CSMD1: variants seen among roughly 807,000 people sequenced by gnomAD.
CSMD1 encodes CUB and sushi domain-containing protein 1.
CSMD1 carries 213 observed loss-of-function variants against 417.5 expected under a neutral mutation model. That is an observed-to-expected ratio of 0.51 (90% CI 0.46 to 0.57). CSMD1 has a LOEUF of 0.57. Ranked by LOEUF, CSMD1 falls within the 20% of genes least tolerant of loss-of-function variation. CSMD1 has a pLI of 0.00. For missense variants in CSMD1, 6,923 were observed against 4,529.7 expected, an observed-to-expected ratio of 1.53 and a Z score of -15.17; for synonymous variants, 2,862 against 1,736.8, an observed-to-expected ratio of 1.65 and a Z score of -16.11.
intron 5 of CSMD1, among the ~76,000 whole-genome samples, chr8:3,793,000 T>G (rs1331106749): frequency 1.3e-5 from 2 of 152,142 alleles, no homozygotes; most frequent in Admixed American, 6.5e-5. Context: ...ACCACAGGTG[T>G]GAATTTCCTC....
intron 7 of CSMD1, among the ~76,000 whole-genome samples, chr8:3,634,228 T>G (rs759026100): frequency 6.6e-6 from 1 of 152,160 alleles, no homozygotes; most frequent in Non-Finnish European, 1.5e-5. Context: ...TGTGTTCACG[T>G]GATTAATGGT....
At chr8:4,661,948 A>G (rs913523277) in intron 1 of CSMD1, among the ~76,000 whole-genome samples, 7 of 152,198 alleles carry the variant, frequency 4.6e-5, no homozygotes, top group African/African-American at 1.7e-4. Context: ...GACAGTTTCT[A>G]CATAGTTACA....
intron 1 of CSMD1, among the ~76,000 whole-genome samples, chr8:4,860,120 A>T (rs1026487329): frequency 2.0e-5 from 3 of 151,872 alleles, no homozygotes; most frequent in Admixed American, 1.3e-4. Flanking sequence ...AGGGACATGG[A>T]TGAAATTGGA....
chr8:3,073,372 C>A (rs950247133), intron 49 of CSMD1, among the ~76,000 whole-genome samples: 2 of 151,986 alleles, frequency 1.3e-5, no homozygotes, highest in Non-Finnish European at 2.9e-5. Context: ...AATTACCCAG[C>A]AAAGTATTTA....
Position 4,358,280 on chromosome 8 carries a change from G to A in CSMD1, c.415+61673C>T, listed in dbSNP as rs143181247. On this transcript the variant is annotated intron_variant, in intron 3 of 69. Coordinates refer to ENST00000635120, the MANE Select transcript of CSMD1 (RefSeq NM_033225.6). ...TTTGCTTTACCAGTGGGTGTGGAGC[G>A]CGGCCATGGGCCAGATCCAGCTGGT... is the stretch of plus-strand genomic sequence containing the variant. Among the ~76,000 whole-genome samples, 1,321 of 151,936 alleles carry A rather than the reference G, an allele frequency of 8.7e-3. 7 individuals are homozygous for A. Among genetic ancestry groups the A allele is most frequent in the East Asian group, 0.018 (93 of 5,162 alleles).
At chr8:3,671,499 ATATATATATATATG>A (rs1799038486) in intron 7 of CSMD1, among the ~76,000 whole-genome samples, 1 of 5,664 alleles carries the variant, frequency 1.8e-4, no homozygotes, top group African/African-American at 7.2e-4. Context: ...ATATGATCAT[ATATATATATATATG>A]ATCATATATA....
At chr8:3,558,792 A>T (rs1799337962) in intron 10 of CSMD1, among the ~76,000 whole-genome samples, 1 of 150,930 alleles carries the variant, frequency 6.6e-6, no homozygotes. Flanking sequence ...TCCTCCAATG[A>T]TGAATGGTGC....
chr8:3,030,326 T>C lies in CSMD1; in HGVS notation c.7661-813A>G, dbSNP rs62487759. Among the ~76,000 whole-genome samples the C allele has an allele frequency of 4.8e-4, 73 of 152,016 alleles. 2 individuals are homozygous for C. The highest frequency in any genetic ancestry group is 8.8e-4 in the Non-Finnish European group (60 of 67,964). Reference sequence around the variant, plus strand: ...CACAAAATTAGAAACCAGAACCATTTCTCTAATTACGAAGATTTAGTAGCT... The same window carrying C: ...CACAAAATTAGAAACCAGAACCATTCCTCTAATTACGAAGATTTAGTAGCT... On this transcript the variant is annotated intron_variant, in intron 50 of 69. Coordinates refer to ENST00000635120, the MANE Select transcript of CSMD1 (RefSeq NM_033225.6).
chr8:4,066,621 A>G (rs1799263995), intron 3 of CSMD1, among the ~76,000 whole-genome samples: 2 of 152,246 alleles, frequency 1.3e-5, no homozygotes, highest in South Asian at 4.1e-4. Flanking sequence ...GTACCACATT[A>G]CTAACCACTA....
intron 2 of CSMD1, among the ~76,000 whole-genome samples, chr8:4,503,615 G>C (rs763890575): frequency 1.3e-5 from 2 of 152,164 alleles, no homozygotes; most frequent in Non-Finnish European, 2.9e-5. Context: ...CAGCCAGCTT[G>C]AGTAATGATC....
At chr8:3,500,755 T>A (rs571671102) in intron 10 of CSMD1, among the ~76,000 whole-genome samples, 1 of 152,254 alleles carries the variant, frequency 6.6e-6, no homozygotes, top group South Asian at 2.1e-4. Flanking sequence ...AGGACATGGA[T>A]AACCATGGCA....
chr8:3,004,941 C>T (rs557297250), intron 52 of CSMD1, among the ~76,000 whole-genome samples: 1 of 152,150 alleles, frequency 6.6e-6, no homozygotes, highest in Non-Finnish European at 1.5e-5. Context: ...GAGTTCGAGA[C>T]CAGCCTGGCC....
At chr8:3,652,813 G>A (rs1267551061) in intron 7 of CSMD1, among the ~76,000 whole-genome samples, 1 of 152,096 alleles carries the variant, frequency 6.6e-6, no homozygotes, top group Non-Finnish European at 1.5e-5. Flanking sequence ...AAAGTCCTGG[G>A]GGCAAGACTT....
intron 3 of CSMD1, among the ~76,000 whole-genome samples, chr8:4,064,982 T>C (rs563111969): frequency 5.5e-4 from 84 of 152,280 alleles, no homozygotes; most frequent in Middle Eastern, 3.4e-3. Flanking sequence ...CTAACTTTTG[T>C]GTCAGTTTTC....
intron 3 of CSMD1, among the ~76,000 whole-genome samples, chr8:4,264,072 A>G (rs1804073657): frequency 6.6e-6 from 1 of 152,170 alleles, no homozygotes; most frequent in Non-Finnish European, 1.5e-5. Context: ...CCTCATCTAT[A>G]AAATGAGGAT....
At chr8:3,422,621 G>A (rs924311601) in intron 12 of CSMD1, among the ~76,000 whole-genome samples, 3 of 152,288 alleles carry the variant, frequency 2.0e-5, no homozygotes, top group Middle Eastern at 3.4e-3. Context: ...TGTCTTTTGG[G>A]AATCAAGTGG....
rs34828022 is a variant in CSMD1, at chr8:4,931,572, A to C, written c.85+62760T>G. On this transcript the variant is annotated intron_variant, in intron 1 of 69. Coordinates refer to ENST00000635120, the MANE Select transcript of CSMD1 (RefSeq NM_033225.6). ...ATCACCCAGACTATAGCTGATTTCA[A>C]GAAAAAAGTCTGGTTTATAGCTACG... is the stretch of plus-strand genomic sequence containing the variant. Among the ~76,000 whole-genome samples, 98 of 74,234 alleles carry C rather than the reference A, an allele frequency of 1.3e-3. 1 individual carries two copies. The highest frequency in any genetic ancestry group is 1.5e-3 in the Non-Finnish European group (37 of 24,214). The allele number at this position is 74,234 out of a possible 152,430, so 48.7% of individuals were successfully genotyped here.
intron 5 of CSMD1, among the ~76,000 whole-genome samples, chr8:3,927,612 C>G (rs1366453807): frequency 6.7e-6 from 1 of 149,426 alleles, no homozygotes; most frequent in African/African-American, 2.4e-5. Context: ...TTGCAGTGAG[C>G]CGACATCACG....
At chr8:3,890,314 G>C (rs1806876223) in intron 5 of CSMD1, among the ~76,000 whole-genome samples, 2 of 152,080 alleles carry the variant, frequency 1.3e-5, no homozygotes, top group African/African-American at 2.4e-5. Flanking sequence ...AATATTAATG[G>C]AGAATTGCAC....
Sources: gnomAD v4.1 joint callset for allele counts (sites outside exome capture counted in the v4.1 genomes callset) on GRCh38, gnomAD v4.1.1 for gene constraint, MANE v1.5 for transcripts, NCBI Gene and HGNC (gene_info 2026-07-23, HGNC 2026-07-21) for gene names.